The following PTGES3L variants were observed in gnomAD, a reference collection of about 807,000 sequenced individuals.
The protein encoded by PTGES3L is prostaglandin E synthase 3 like.
In PTGES3L, 17 loss-of-function variants were observed where a neutral mutation model predicts 25.0. The ratio of observed to expected loss-of-function variants is 0.68; its 90% confidence interval spans 0.47 to 1.02. PTGES3L has a LOEUF of 1.02. Among genes scored for constraint, PTGES3L ranks in the 50% least tolerant of loss-of-function variants. PTGES3L has a pLI of 0.00. For missense variants in PTGES3L, 202 were observed against 197.5 expected (o/e 1.02, Z -0.14); for synonymous variants, 59 against 65.7 (o/e 0.90, Z 0.50).
chr17:42,977,051 G>A (rs1188110929), intron 4 of PTGES3L, among the ~76,000 whole-genome samples: 1 of 152,166 alleles, frequency 6.6e-6, no homozygotes, highest in Non-Finnish European at 1.5e-5. Flanking sequence ...AGCACCCTGG[G>A]AGGCTGAGGC....
At position 42,970,298 on chromosome 17, in the gene PTGES3L, A is replaced by T. The variant is rs768313195; in HGVS notation, c.423T>A (p.Asp141Glu). ...VSTKRPPPAM[D>E]DLDDDSDSAD... Reference sequence around the variant, plus strand: ...GGAAGGCTTTACTTACATCCAAATCATCCATGGCAGGTGGAGGTCTCTTGG... The same window carrying T: ...GGAAGGCTTTACTTACATCCAAATCTTCCATGGCAGGTGGAGGTCTCTTGG... The change falls in exon 6 of 7, where the codon GAT becomes GAA. Residue 141 changes from aspartate (D) to glutamate (E), a missense_variant. Physicochemically the swap from Asp to Glu is conservative, Grantham distance 45. Coordinates refer to ENST00000591916, the MANE Select transcript of PTGES3L (RefSeq NM_001261430.2). The T allele has an allele frequency of 8.1e-6, 13 of 1,613,952 alleles. No homozygotes were observed. The South Asian group carries it at 1.4e-4, about 18-fold the overall frequency.
chr17:42,978,100 A>C (rs2670869), intron 4 of PTGES3L, among the ~76,000 whole-genome samples: 3 of 142,356 alleles, frequency 2.1e-5, no homozygotes, highest in African/African-American at 7.8e-5. Flanking sequence ...AAAAAAAAAA[A>C]CAGAAAGAAA....
intron 4 of PTGES3L, among the ~76,000 whole-genome samples, chr17:42,972,308 T>C (rs1202076452): frequency 1.4e-5 from 2 of 140,890 alleles, no homozygotes; most frequent in African/African-American, 5.2e-5. Context: ...CCTCTCTCTC[T>C]CCCTCTCCCT....
Position 42,979,181 on chromosome 17 carries a change from C to T in PTGES3L, c.277G>A (p.Glu93Lys). The T allele has an allele frequency of 6.2e-7, 1 of 1,614,156 alleles. No individual in the cohort carries two copies. Among genetic ancestry groups the T allele is most frequent in the Middle Eastern group, 1.6e-4 (1 of 6,062 alleles). The change falls in exon 4 of 7, where the codon GAG (glutamate) becomes AAG (lysine). Residue 93 changes from glutamate to lysine, a missense_variant. Transcript: ENST00000591916. ...EKVAWPRLTKEDIKPVWLSVD... is the reference protein window; with the variant it reads ...EKVAWPRLTKKDIKPVWLSVD... ...TTCCACACACCCACCTTGATATCCT[C>T]CTTGGTAAGCCGCGGCCAGGCCACC... is the stretch of plus-strand genomic sequence containing the variant.
At chr17:42,973,274 C>T (rs2151949230) in intron 4 of PTGES3L, among the ~76,000 whole-genome samples, 1 of 148,668 alleles carries the variant, frequency 6.7e-6, no homozygotes, top group African/African-American at 2.5e-5. Flanking sequence ...GCCAGCCGCC[C>T]CGTCCGGGAG....
At chr17:42,970,434 G>T in intron 5 of PTGES3L, 92 bp from the exon 6 acceptor site, 1 of 1,420,060 alleles carries the variant, frequency 7.0e-7, no homozygotes, top group Non-Finnish European at 9.8e-7. Flanking sequence ...GTTGCAGCCA[G>T]AACTGGTCAG....
chr17:42,971,879 G>C (rs551880144), intron 4 of PTGES3L, 183 bp from the exon 5 acceptor site: 1 of 584,230 alleles, frequency 1.7e-6, no homozygotes, highest in East Asian at 3.0e-5. Flanking sequence ...GCATGATAGA[G>C]TCTGAAAATC....
At chr17:42,976,516 C>T (rs2049957391) in intron 4 of PTGES3L, among the ~76,000 whole-genome samples, 1 of 152,056 alleles carries the variant, frequency 6.6e-6, no homozygotes, top group Admixed American at 6.6e-5. Flanking sequence ...ATAGCTAGGA[C>T]TACAGACATG....
chr17:42,973,807 AGAG>A (rs1307419956), intron 4 of PTGES3L, among the ~76,000 whole-genome samples: 3 of 146,298 alleles, frequency 2.1e-5, no homozygotes, highest in Non-Finnish European at 4.5e-5. Context: ...ATGCTCGTTA[AGAG>A]TCATCACCAC....
At chr17:42,973,997 AT>A (rs1567723783) in intron 4 of PTGES3L, among the ~76,000 whole-genome samples, 2 of 18,368 alleles carry the variant, frequency 1.1e-4, no homozygotes, top group Non-Finnish European at 1.2e-3. Flanking sequence ...CAATAAAAAA[AT>A]AAATTAAAAA....
At chr17:42,969,449 C>A (rs1213701597) in intron 6 of PTGES3L, among the ~76,000 whole-genome samples, 4 of 141,414 alleles carry the variant, frequency 2.8e-5, no homozygotes, top group African/African-American at 1.1e-4. Context: ...TGCTTCATCA[C>A]CCAGCTGCAG....
At chr17:42,976,396 T>G (rs1401152170) in intron 4 of PTGES3L, among the ~76,000 whole-genome samples, 2 of 152,190 alleles carry the variant, frequency 1.3e-5, no homozygotes, top group Non-Finnish European at 2.9e-5. Context: ...TCTTTTTTTT[T>G]GAGACGTTGT....
intron 4 of PTGES3L, among the ~76,000 whole-genome samples, chr17:42,972,346 G>T (rs1317247535): frequency 1.4e-5 from 1 of 70,412 alleles, no homozygotes; most frequent in African/African-American, 5.0e-5. Flanking sequence ...CCTCCCCATG[G>T]TCTCCCTCTC....
chr17:42,969,331 G>A, intron 6 of PTGES3L, 145 bp from the exon 7 acceptor site: 1 of 464,146 alleles, frequency 2.2e-6, no homozygotes, highest in Non-Finnish European at 3.9e-6. Context: ...GGGCTAATAT[G>A]AAAGGTTTTA....
rs1047132606 is a variant in PTGES3L, at chr17:42,979,217, A to G, written c.241T>C (p.Trp81Arg). The change falls in exon 4 of 7, where the codon TGG becomes CGG. Residue 81 changes from tryptophan (W) to arginine (R), a missense_variant. Trp to Arg is a moderately radical substitution (Grantham distance 101). Coordinates refer to ENST00000591916, the MANE Select transcript of PTGES3L (RefSeq NM_001261430.2). ...SRSITCFVRK[W>R]KEKVAWPRLT... ...CGCGGCCAGGCCACCTTTTCCTTCC[A>G]TTTTCTCACAAAACAAGTAATAGAG... The G allele has an allele frequency of 2.5e-6, 4 of 1,613,962 alleles. No individual in the cohort carries two copies. The highest frequency in any genetic ancestry group is 3.4e-6 in the Non-Finnish European group (4 of 1,180,008).
chr17:42,976,381 T>A (rs1259267697), intron 4 of PTGES3L, among the ~76,000 whole-genome samples: 1 of 152,114 alleles, frequency 6.6e-6, no homozygotes, highest in Non-Finnish European at 1.5e-5. Flanking sequence ...CAAGTCAAAA[T>A]AATTTCTTTT....
In PTGES3L at chr17:42,979,374, T is replaced by C. The variant is rs752121138; in HGVS notation, c.189+4A>G. On this transcript the variant is annotated splice_donor_region_variant and intron_variant, in intron 3 of 6. Coordinates refer to ENST00000591916, the MANE Select transcript of PTGES3L (RefSeq NM_001261430.2). ...CAAACCTTACTGTCCCATTTCACCC[T>C]TACCTTGGAGTTCACTTTGGCATAG... The C allele has an allele frequency of 1.9e-6, 3 of 1,614,178 alleles. No homozygotes were observed. The South Asian group carries it at 3.3e-5, about 18-fold the overall frequency.
chr17:42,972,567 G>A (rs1318564556), intron 4 of PTGES3L, among the ~76,000 whole-genome samples: 2 of 152,190 alleles, frequency 1.3e-5, no homozygotes, highest in Admixed American at 6.5e-5. Context: ...CGAGTGATCC[G>A]CCAGCCTCGG....
chr17:42,974,025 TA>T (rs900792544), intron 4 of PTGES3L, among the ~76,000 whole-genome samples: 26 of 148,134 alleles, frequency 1.8e-4, no homozygotes, highest in African/African-American at 6.0e-4. Context: ...AAAATAAAAA[TA>T]AAAAAAAATA....
Sources: allele counts gnomAD v4.1 joint callset (sites outside exome capture counted in the v4.1 genomes callset), GRCh38; gene constraint gnomAD v4.1.1; transcripts MANE v1.5; gene names NCBI Gene and HGNC (gene_info 2026-07-23, HGNC 2026-07-21).